NCKAP5: variants seen among roughly 807,000 people sequenced by gnomAD.
NCKAP5 encodes nck-associated protein 5.
Under a neutral mutation model 167.0 loss-of-function variants are expected in NCKAP5, and 92 were observed. That is an observed-to-expected ratio of 0.55 (90% confidence interval 0.47 to 0.66). The LOEUF (loss-of-function observed/expected upper bound fraction) is 0.66, where lower values mean the gene tolerates loss of function less well. NCKAP5 is among the 30% of genes least tolerant of loss of function. NCKAP5 has a pLI of 0.00. For synonymous variants in NCKAP5, 891 were observed against 877.4 expected (o/e 1.02, Z -0.27); for missense variants, 2,378 against 2,315.0 (o/e 1.03, Z -0.56).
the NCKAP5 span, among the ~76,000 whole-genome samples, chr2:133,589,007 A>C: frequency 5.3e-5 from 8 of 152,208 alleles, no homozygotes; most frequent in African/African-American, 1.9e-4. Flanking sequence ...GCCATTGCAG[A>C]CAAGGTAGCA....
At chr2:133,143,530 T>C (rs2083077517) in intron 5 of NCKAP5, among the ~76,000 whole-genome samples, 1 of 152,172 alleles carries the variant, frequency 6.6e-6, no homozygotes, top group African/African-American at 2.4e-5. Context: ...GCATTAAATC[T>C]GAACTACAGC....
intron 3 of NCKAP5, among the ~76,000 whole-genome samples, chr2:133,340,098 A>G (rs1229405456): frequency 1.3e-5 from 2 of 152,188 alleles, no homozygotes; most frequent in African/African-American, 4.8e-5. Flanking sequence ...TTATGTTTTT[A>G]AAATTATACT....
intron 3 of NCKAP5, among the ~76,000 whole-genome samples, chr2:133,426,042 C>T (rs147131790): frequency 0.013 from 2,052 of 152,176 alleles, 42 homozygotes; most frequent in African/African-American, 0.045. Flanking sequence ...GAGGCCAAGG[C>T]GGGAGGATCA....
Position 132,914,554 on chromosome 2 carries a change from C to T in NCKAP5, c.580-35638G>A, listed in dbSNP as rs1694715138. Among the ~76,000 whole-genome samples, 3 of 151,998 alleles carry T rather than the reference C, an allele frequency of 2.0e-5. No individual in the cohort carries two copies. The South Asian group carries it at 6.2e-4, about 32-fold the overall frequency. On this transcript the variant is annotated intron_variant, in intron 8 of 19. Transcript: ENST00000409261. ...ATGGACTAATACTACCTTTAAAATA[C>T]AACTGCAATATAGACTCTCTGAAAC...
At chr2:133,383,082 ATACTTT>A (rs893465500) in intron 3 of NCKAP5, among the ~76,000 whole-genome samples, 8 of 152,156 alleles carry the variant, frequency 5.3e-5, no homozygotes. Context: ...TTTTTTTATT[ATACTTT>A]AAGTTCTAGG....
chr2:132,806,665 T>C (rs893399364), intron 11 of NCKAP5, among the ~76,000 whole-genome samples: 21 of 152,206 alleles, frequency 1.4e-4, no homozygotes, highest in Non-Finnish European at 2.4e-4. Flanking sequence ...AGATTCAGGA[T>C]ATTAGTCCTC....
chr2:133,492,170 T>TGTGTGTGTGTGTGTGTGTGTGTG (rs1559524824), intron 3 of NCKAP5, among the ~76,000 whole-genome samples: 102 of 151,546 alleles, frequency 6.7e-4, no homozygotes, highest in Middle Eastern at 3.4e-3. Flanking sequence ...TGTGTGTGTG[T>TGTGTGTGTGTGTGTGTGTGTGTG]TAAGGTCTAT....
chr2:133,196,771 C>T (rs1473438782), intron 5 of NCKAP5, among the ~76,000 whole-genome samples: 2 of 152,088 alleles, frequency 1.3e-5, no homozygotes, highest in Non-Finnish European at 2.9e-5. Context: ...GTCCAAGGAG[C>T]AGGAAAGGGA....
the NCKAP5 span, among the ~76,000 whole-genome samples, chr2:133,590,419 G>C: frequency 1.3e-5 from 2 of 151,806 alleles, no homozygotes; most frequent in East Asian, 3.9e-4. Flanking sequence ...AGCTACCTGG[G>C]AGGCTGAGGC....
At chr2:133,221,442 A>T (rs2086660021) in intron 4 of NCKAP5, among the ~76,000 whole-genome samples, 1 of 152,244 alleles carries the variant, frequency 6.6e-6, no homozygotes, top group Non-Finnish European at 1.5e-5. Context: ...ATATAATCCA[A>T]CAATAATGGA....
chr2:132,764,833 G>A (rs1681310265), intron 16 of NCKAP5, among the ~76,000 whole-genome samples: 1 of 152,206 alleles, frequency 6.6e-6, no homozygotes, highest in South Asian at 2.1e-4. Context: ...AAAAAGCTGT[G>A]ACAATCTGGT....
intron 3 of NCKAP5, among the ~76,000 whole-genome samples, chr2:133,333,334 GAGGGTATGATACATCGGA>G (rs1175994076): frequency 3.3e-5 from 5 of 152,208 alleles, no homozygotes; most frequent in Non-Finnish European, 5.9e-5. Context: ...TTAGTCAGCA[GAGGGTATGATACATCGGA>G]AGAGGAAAGG....
chr2:132,797,205 G>A (rs1040082084), intron 11 of NCKAP5, among the ~76,000 whole-genome samples: 5 of 152,286 alleles, frequency 3.3e-5, no homozygotes, highest in East Asian at 3.9e-4. Context: ...CCTTGGACAC[G>A]TTTTAACTCA....
At chr2:132,786,680 A>ACTGAGC (rs1449665210) in intron 13 of NCKAP5, among the ~76,000 whole-genome samples, 1 of 152,108 alleles carries the variant, frequency 6.6e-6, no homozygotes, top group East Asian at 1.9e-4. Flanking sequence ...GCTAACATTT[A>ACTGAGC]CTGAGCCTCT....
chr2:133,342,927 G>A (rs1210252340), intron 3 of NCKAP5, among the ~76,000 whole-genome samples: 2 of 152,170 alleles, frequency 1.3e-5, no homozygotes, highest in Non-Finnish European at 2.9e-5. Flanking sequence ...CAGCAGTGAG[G>A]GACAGGTGAA....
chr2:132,672,883 G>T lies in NCKAP5; in HGVS notation c.*406C>A. ...CTGTCAGAGAAATAAGCTCTGGTGG[G>T]TTGCCTGCTGTGAATTTGACAAGGA... On this transcript the variant is annotated 3_prime_UTR_variant, in exon 20 of 20. Coordinates refer to ENST00000409261, the MANE Select transcript of NCKAP5 (RefSeq NM_207363.3). The T allele has an allele frequency of 7.3e-6, 6 of 821,442 alleles. No homozygotes were observed. The highest frequency in any genetic ancestry group is 8.8e-6 in the Non-Finnish European group (6 of 678,960). 50.9% of individuals were successfully genotyped at this position (821,442 alleles called of 1,614,324 possible).
At chr2:133,284,257 C>A (rs746475460) in intron 4 of NCKAP5, among the ~76,000 whole-genome samples, 3 of 151,962 alleles carry the variant, frequency 2.0e-5, no homozygotes, top group Admixed American at 2.0e-4. Context: ...CCAATTCAAG[C>A]TTGTCTGTGT....
intron 6 of NCKAP5, among the ~76,000 whole-genome samples, chr2:133,001,461 C>G (rs2077778675): frequency 6.6e-6 from 1 of 152,108 alleles, no homozygotes; most frequent in African/African-American, 2.4e-5. Context: ...CTTCATGCCT[C>G]AGCCTCCCAA....
chr2:132,971,575 A>G (rs1354013196), intron 7 of NCKAP5, among the ~76,000 whole-genome samples: 1 of 152,192 alleles, frequency 6.6e-6, no homozygotes. Context: ...AAGTTAACAC[A>G]GATGTCAGAA....
Sources: gnomAD v4.1 joint callset for allele counts (sites outside exome capture counted in the v4.1 genomes callset) on GRCh38, gnomAD v4.1.1 for gene constraint, MANE v1.5 for transcripts, NCBI Gene and HGNC (gene_info 2026-07-23, HGNC 2026-07-21) for gene names.